NAV2: variants seen among roughly 807,000 people sequenced by gnomAD.
NAV2 encodes neuron navigator 2, also known as helicase, APC down-regulated 1.
In NAV2, 54 loss-of-function variants were observed where a neutral mutation model predicts 223.2. The ratio of observed to expected loss-of-function variants is 0.24; its 90% CI spans 0.19 to 0.30. The LOEUF (loss-of-function observed/expected upper bound fraction) is 0.30. Among genes scored for constraint, NAV2 ranks in the 10% least tolerant of loss-of-function variants. NAV2 has a pLI of 1.00. For missense variants in NAV2, 2,806 were observed against 3,147.5 expected, an observed-to-expected ratio of 0.89 and a Z score of 2.60; for synonymous variants, 1,279 against 1,239.3, an observed-to-expected ratio of 1.03 and a Z score of -0.67.
intron 1 of NAV2, among the ~76,000 whole-genome samples, chr11:19,679,640 C>T (rs547145658): frequency 3.7e-4 from 57 of 152,296 alleles, no homozygotes; most frequent in African/African-American, 1.3e-3. Context: ...TCAAACATCA[C>T]GTCCTTTAGG....
chr11:19,570,776 A>G (rs1176327005), intron 1 of NAV2, among the ~76,000 whole-genome samples: 1 of 152,248 alleles, frequency 6.6e-6, no homozygotes, highest in Non-Finnish European at 1.5e-5. Context: ...TTTTTAAAAA[A>G]TTGAAAATAA....
intron 15 of NAV2, 41 bp downstream of exon 15, chr11:20,049,236 C>G (rs1467030205): frequency 7.2e-7 from 1 of 1,383,986 alleles, no homozygotes; most frequent in Non-Finnish European, 9.9e-7. Flanking sequence ...AGAAAGACAC[C>G]CTTCCAAAAA....
At chr11:19,507,610 G>A (rs745393567) in intron 1 of NAV2, among the ~76,000 whole-genome samples, 1 of 152,130 alleles carries the variant, frequency 6.6e-6, no homozygotes, top group African/African-American at 2.4e-5. Flanking sequence ...AACCAAAGTT[G>A]GAGGAACATT....
intron 1 of NAV2, among the ~76,000 whole-genome samples, chr11:19,440,914 C>G (rs373967642): frequency 1.3e-5 from 2 of 152,174 alleles, no homozygotes; most frequent in African/African-American, 4.8e-5. Flanking sequence ...CGTCTAGAAA[C>G]CAGTACAGAA....
At chr11:19,417,512 T>A (rs1247328381) in intron 1 of NAV2, among the ~76,000 whole-genome samples, 1 of 152,176 alleles carries the variant, frequency 6.6e-6, no homozygotes, top group African/African-American at 2.4e-5. Flanking sequence ...GTAAATTAGT[T>A]CAATCATTAT....
chr11:19,712,096 C>G (rs550844033), upstream of NAV2: 207 of 152,320 alleles, frequency 1.4e-3, no homozygotes, highest in African/African-American at 4.5e-3. Context: ...CCTGTTGGGG[C>G]CAGTGCGTCC....
intron 1 of NAV2, among the ~76,000 whole-genome samples, chr11:19,438,336 A>G (rs958315977): frequency 6.6e-6 from 1 of 152,232 alleles, no homozygotes; most frequent in African/African-American, 2.4e-5. Context: ...GTGTGTGGCA[A>G]GACAGGGAGC....
intron 1 of NAV2, among the ~76,000 whole-genome samples, chr11:19,735,415 G>C (rs1353902873): frequency 6.6e-6 from 1 of 152,182 alleles, no homozygotes; most frequent in Non-Finnish European, 1.5e-5. Flanking sequence ...AGCCCCCAAA[G>C]ATCTATATCA....
intron 1 of NAV2, among the ~76,000 whole-genome samples, chr11:19,384,087 GA>G (rs1404281892): frequency 6.6e-6 from 1 of 152,048 alleles, no homozygotes; most frequent in Non-Finnish European, 1.5e-5. Flanking sequence ...TGCAAAACAT[GA>G]AAAAATATTC....
chr11:19,933,184 G>T lies in NAV2; in HGVS notation c.940G>T (p.Ala314Ser). The change falls in exon 7 of 38, where the codon GCA (alanine) becomes TCA (serine). Residue 314 changes from alanine to serine, a missense_variant. Ala to Ser is a moderately conservative substitution (Grantham distance 99, BLOSUM62 1). Around this residue, in one of 4 missense-constraint regions of NAV2, gnomAD observed 1,167 missense variants for 1,180.5 expected, o/e 0.99. Coordinates refer to ENST00000349880, the MANE Select transcript of NAV2 (RefSeq NM_145117.5). This position sits in a 1 kb window ranked among gnomAD's most constrained non-coding sequence, Gnocchi z 4.3. ...PPSSHEKEPL[A>S]SSASSHPGMS... Reference sequence around the variant, plus strand: ...CTCTTCTGTCTCTGCAGAGCCTTTGGCAAGTTCAGCCTCCTCCCACCCCGG... The same window carrying T: ...CTCTTCTGTCTCTGCAGAGCCTTTGTCAAGTTCAGCCTCCTCCCACCCCGG... 2 of 1,529,476 alleles carry T rather than the reference G, an allele frequency of 1.3e-6. No individual in the cohort carries two copies. The highest frequency in any genetic ancestry group is 1.8e-6 in the Non-Finnish European group (2 of 1,136,578). 94.7% of individuals were successfully genotyped at this position (1,529,476 alleles called of 1,614,324 possible).
At chr11:19,375,304 G>A (rs1848604410) in intron 1 of NAV2, among the ~76,000 whole-genome samples, 1 of 152,196 alleles carries the variant, frequency 6.6e-6, no homozygotes. Flanking sequence ...CCCTGCTGCA[G>A]ACACTCATAA....
At chr11:20,084,396 C>T (rs1857939169) in intron 26 of NAV2, among the ~76,000 whole-genome samples, 1 of 152,318 alleles carries the variant, frequency 6.6e-6, no homozygotes, top group African/African-American at 2.4e-5. Context: ...CTGCACCCAA[C>T]CAGGGTTATG....
At chr11:19,396,625 G>A (rs1049255434) in intron 1 of NAV2, among the ~76,000 whole-genome samples, 2 of 152,144 alleles carry the variant, frequency 1.3e-5, no homozygotes, top group Non-Finnish European at 2.9e-5. Flanking sequence ...TCAACAGTAC[G>A]CTGGTTCTCG....
At chr11:19,766,998 G>C (rs2055281533) in intron 1 of NAV2, among the ~76,000 whole-genome samples, 1 of 152,152 alleles carries the variant, frequency 6.6e-6, no homozygotes, top group Non-Finnish European at 1.5e-5. Flanking sequence ...ATAGTCAGAC[G>C]ATGAGTCTTG....
At chr11:19,803,835 T>C (rs2058403456) in intron 1 of NAV2, among the ~76,000 whole-genome samples, 2 of 152,248 alleles carry the variant, frequency 1.3e-5, no homozygotes, top group African/African-American at 4.8e-5. Context: ...AATAGCAATC[T>C]GACTTGTTTG....
intron 1 of NAV2, among the ~76,000 whole-genome samples, chr11:19,562,764 G>A (rs1466784283): frequency 1.3e-5 from 2 of 152,166 alleles, no homozygotes; most frequent in Non-Finnish European, 2.9e-5. Context: ...TCAGAGCCCA[G>A]GTTTTATGTC....
chr11:19,602,997 C>T (rs2046387797), intron 1 of NAV2, among the ~76,000 whole-genome samples: 1 of 152,098 alleles, frequency 6.6e-6, no homozygotes, highest in Non-Finnish European at 1.5e-5. Context: ...GAGGGAACAG[C>T]ATGAGCAAAG....
At chr11:19,549,459 C>T (rs915104018) in intron 1 of NAV2, among the ~76,000 whole-genome samples, 1 of 152,280 alleles carries the variant, frequency 6.6e-6, no homozygotes, top group South Asian at 2.1e-4. Context: ...TCCTCAGGAG[C>T]TTGAGGGTTC....
At chr11:19,686,626 G>A (rs1222988298) in intron 1 of NAV2, among the ~76,000 whole-genome samples, 1 of 152,226 alleles carries the variant, frequency 6.6e-6, no homozygotes, top group African/African-American at 2.4e-5. Context: ...GATGAATAAA[G>A]CATGGCTGCA....
Sources: gnomAD v4.1 joint callset for allele counts (sites outside exome capture counted in the v4.1 genomes callset) on GRCh38, gnomAD v4.1.1 for gene constraint, gnomAD v4.1.1 regional missense constraint, Gnocchi (gnomAD v3.1) non-coding constraint, MANE v1.5 for transcripts, NCBI Gene and HGNC (gene_info 2026-07-23, HGNC 2026-07-21) for gene names.